The following ARID4B variants were observed in gnomAD, a reference collection of about 807,000 sequenced individuals.
ARID4B encodes AT-rich interactive domain-containing protein 4B.
In ARID4B, 26 loss-of-function variants were observed where a neutral mutation model predicts 147.5. The observed-to-expected ratio is 0.18, with a 90% confidence interval of 0.13 to 0.24. The LOEUF (loss-of-function observed/expected upper bound fraction) is 0.24. ARID4B is among the 10% of genes least tolerant of loss of function. ARID4B has a pLI of 1.00. For missense variants in ARID4B, 1,179 were observed against 1,511.5 expected (o/e 0.78, Z 3.65); for synonymous variants, 512 against 507.9 (o/e 1.01, Z -0.11).
In ARID4B at chr1:235,257,177, T is replaced by C; in HGVS notation, c.166A>G (p.Ile56Val). The change falls in exon 4 of 24, where the codon ATA becomes GTA. Residue 56 changes from isoleucine to valine, a missense_variant. Ile to Val is a conservative substitution (Grantham distance 29). Around this residue, in one of 10 missense-constraint regions of ARID4B, gnomAD observed 56 missense variants for 99.2 expected, o/e 0.56. Coordinates refer to ENST00000264183, the MANE Select transcript of ARID4B (RefSeq NM_016374.6). ...TGAATTACCTTTAGTGGGCCCTTTA[T>C]GTGGTCATCCTGAACTTCCACTGTT... The part of the protein sequence containing the change: ...SSTVEVQDDH[I>V]KGPLKVGAIV... The C allele has an allele frequency of 1.2e-6, 2 of 1,612,220 alleles. No individual in the cohort carries two copies. Among genetic ancestry groups the C allele is most frequent in the Non-Finnish European group, 1.7e-6 (2 of 1,178,374 alleles).
At position 235,194,147 on chromosome 1, in the gene ARID4B, C is replaced by T. The variant is rs372534777; in HGVS notation, c.1991G>A (p.Arg664His). 37 of 1,613,286 alleles carry T rather than the reference C, an allele frequency of 2.3e-5. No homozygotes were observed. The highest frequency in any genetic ancestry group is 1.3e-4 in the South Asian group (12 of 91,074). The change falls in exon 19 of 24, where the codon CGC (arginine) becomes CAC (histidine). Residue 664 changes from arginine (R) to histidine (H), a missense_variant. This residue lies in a region of ARID4B where 321 missense variants were observed against 342.4 expected (regional missense o/e 0.94). Transcript: ENST00000264183. ...TGTCTGAAATGGTGGTTTGGACAAG[C>T]GCCGAAGTTTACAGTTTTTTGGAGA... Reference protein sequence around the residue: ...KYSPKNCKLRRLSKPPFQTNP... With the variant: ...KYSPKNCKLRHLSKPPFQTNP...
intron 2 of ARID4B, among the ~76,000 whole-genome samples, chr1:235,298,005 T>C (rs1301460012): frequency 6.6e-6 from 1 of 152,172 alleles, no homozygotes; most frequent in African/African-American, 2.4e-5. Flanking sequence ...CCAGATGCCA[T>C]TAAGGAATTA....
rs145895993 is a variant in ARID4B at position 235,241,833 on chromosome 1, T to A, written c.447-1382A>T. ...ACCTGGCCAAAAAAGTAAAAACTATTATAATAATATTAAGCTTTTTAAAGT... is the reference window on the plus strand; with the variant it reads ...ACCTGGCCAAAAAAGTAAAAACTATAATAATAATATTAAGCTTTTTAAAGT... On this transcript the variant is annotated intron_variant, in intron 7 of 23. Coordinates refer to ENST00000264183, the MANE Select transcript of ARID4B (RefSeq NM_016374.6). Among the ~76,000 whole-genome samples, 416 of 152,228 alleles carry A rather than the reference T, an allele frequency of 2.7e-3. 1 individual carries two copies. Among genetic ancestry groups the A allele is most frequent in the African/African-American group, 9.7e-3 (401 of 41,522 alleles).
intron 2 of ARID4B, among the ~76,000 whole-genome samples, chr1:235,294,758 C>A (rs1672576350): frequency 6.6e-6 from 1 of 151,614 alleles, no homozygotes; most frequent in Non-Finnish European, 1.5e-5. Flanking sequence ...AAGTTATCCG[C>A]CCGCCTCAGC....
intron 2 of ARID4B, among the ~76,000 whole-genome samples, chr1:235,266,598 A>C (rs537505519): frequency 1.3e-5 from 2 of 152,228 alleles, no homozygotes; most frequent in Non-Finnish European, 2.9e-5. Context: ...AAAAACACTG[A>C]ATTCCATGGG....
At chr1:235,257,080 AAAGAGCCAATG>A (rs1342173584) in intron 4 of ARID4B, 69 bp downstream of exon 4, 1 of 968,918 alleles carries the variant, frequency 1.0e-6, no homozygotes, top group African/African-American at 1.6e-5. Flanking sequence ...CTCAATAACA[AAAGAGCCAATG>A]AATTAATACC....
rs1290002417 is a variant in ARID4B at position 235,181,608 on chromosome 1, G to T, written c.3311C>A (p.Pro1104Gln). The T allele has an allele frequency of 4.3e-6, 7 of 1,613,180 alleles. No homozygotes were observed. In the South Asian group the frequency reaches 7.7e-5, roughly 18 times the overall value. ...ACCTTTTTCAGGATGTTCTGGTTCTGGCTGATTACTACTGCTTGAGCTCAC... is the reference window on the plus strand; with the variant it reads ...ACCTTTTTCAGGATGTTCTGGTTCTTGCTGATTACTACTGCTTGAGCTCAC... ...ASVSSSSSNQ[P>Q]EPEHPEKACT... Residue 1104 changes from proline to glutamine, a missense_variant, in exon 20 of 24, where the codon CCA (proline) becomes CAA (glutamine). Pro to Gln is a moderately conservative substitution (Grantham distance 76). Around this residue, in one of 10 missense-constraint regions of ARID4B, gnomAD observed 357 missense variants for 427.3 expected, o/e 0.84. Transcript: ENST00000264183.
At chr1:235,187,874 G>A (rs1354719421) in intron 19 of ARID4B, among the ~76,000 whole-genome samples, 1 of 152,106 alleles carries the variant, frequency 6.6e-6, no homozygotes, top group Non-Finnish European at 1.5e-5. Context: ...GATACTCATT[G>A]TTGAACTAAC....
Position 235,194,020 on chromosome 1 carries a change from TC to T in ARID4B, c.2117del (p.Gly706AspfsTer36). The T allele has an allele frequency of 6.3e-7, 1 of 1,595,246 alleles. No homozygotes were observed. Among genetic ancestry groups the T allele is most frequent in the Non-Finnish European group, 8.6e-7 (1 of 1,164,038 alleles). On this transcript the variant is annotated frameshift_variant, in exon 19 of 24. Transcript: ENST00000264183. LOFTEE classifies it high-confidence loss of function. ...KSIEITSILN[G>X]LQASESSAED... is the part of the protein sequence containing the mutation. ...AACGATTGTTATGTTTACCTTGAAG[TC>T]CATTAAGGATCGAAGTAATTTCTAT...
chr1:235,241,190 T>C (rs866993065), intron 7 of ARID4B, among the ~76,000 whole-genome samples: 2 of 152,164 alleles, frequency 1.3e-5, no homozygotes, highest in Admixed American at 1.3e-4. Context: ...CTGATTCTAA[T>C]AAAGAATCAG....
chr1:235,176,746 A>C (rs1217467256), intron 21 of ARID4B: 1 of 424,374 alleles, frequency 2.4e-6, no homozygotes, highest in Non-Finnish European at 4.8e-6. Flanking sequence ...CGCCATATTC[A>C]CCGCCTGGAA....
chr1:235,210,651 G>A lies in ARID4B; in HGVS notation c.1841+3118C>T, dbSNP rs535160987. Among the ~76,000 whole-genome samples, 236 of 152,264 alleles carry A rather than the reference G, an allele frequency of 1.5e-3. 1 individual carries two copies. The highest frequency in any genetic ancestry group is 3.0e-3 in the Non-Finnish European group (201 of 68,024). On this transcript the variant is annotated intron_variant, in intron 17 of 23. Coordinates refer to ENST00000264183, the MANE Select transcript of ARID4B (RefSeq NM_016374.6). ...TTTCTCCATGATGTTGGAGTGTATA[G>A]AGATCCATCCTACAGGTCTTCATCA...
chr1:235,194,880 T>C (rs1665389427), intron 18 of ARID4B, among the ~76,000 whole-genome samples: 1 of 152,054 alleles, frequency 6.6e-6, no homozygotes, highest in African/African-American at 2.4e-5. Context: ...TCACTATATG[T>C]GGGTTGGGAA....
intron 17 of ARID4B, among the ~76,000 whole-genome samples, chr1:235,207,156 TTCTA>T (rs1666360009): frequency 2.0e-5 from 3 of 152,304 alleles, no homozygotes; most frequent in South Asian, 4.1e-4. Flanking sequence ...TTTTTCTTGT[TTCTA>T]TCTCTCAGTA....
At position 235,246,516 on chromosome 1, in the gene ARID4B, G is replaced by C; in HGVS notation, c.355-5C>G. On this transcript the variant is annotated splice_polypyrimidine_tract_variant and splice_region_variant and intron_variant, in intron 6 of 23. Transcript: ENST00000264183. ...GAGTGGGAGCTGGTCTAATGTCTGT[G>C]GGTAAGAACATAAACCCATCAAAAA... 6.2e-7 allele frequency: 1 copy of C among 1,608,608 alleles called. No homozygotes were observed. The highest frequency in any genetic ancestry group is 8.5e-7 in the Non-Finnish European group (1 of 1,175,236).
intron 2 of ARID4B, among the ~76,000 whole-genome samples, chr1:235,278,093 T>C: frequency 6.6e-6 from 1 of 152,188 alleles, no homozygotes; most frequent in East Asian, 1.9e-4. Context: ...TACAGGGGTA[T>C]GTAACAGGCC....
chr1:235,326,154 A>C (rs1675230833), intron 2 of ARID4B, among the ~76,000 whole-genome samples: 1 of 152,188 alleles, frequency 6.6e-6, no homozygotes, highest in South Asian at 2.1e-4. Flanking sequence ...TGTGTTTAAA[A>C]AAAAAAAAGA....
At chr1:235,308,083 A>ATTTTTT (rs368457519) in intron 2 of ARID4B, among the ~76,000 whole-genome samples, 1 of 102,774 alleles carries the variant, frequency 9.7e-6, no homozygotes, top group Non-Finnish European at 1.9e-5. Flanking sequence ...ATTTCTTCTA[A>ATTTTTT]TTTTTTTTTT....
rs746707767 is a variant in ARID4B, at chr1:235,326,968, C to G, written c.-49G>C. 13 of 1,607,104 alleles carry G rather than the reference C, an allele frequency of 8.1e-6. No individual in the cohort carries two copies. In the African/African-American group the frequency reaches 1.7e-4, roughly 22 times the overall value. On this transcript the variant is annotated splice_region_variant and 5_prime_UTR_variant, in exon 2 of 24. Coordinates refer to ENST00000264183, the MANE Select transcript of ARID4B (RefSeq NM_016374.6). ...CTCTAAAACACCAGGTTCAGCTGCA[C>G]CTGGAGGGGAAACAAAAGACACCCA...
Sources: gnomAD v4.1 joint callset for allele counts (sites outside exome capture counted in the v4.1 genomes callset) on GRCh38, gnomAD v4.1.1 for gene constraint, gnomAD v4.1.1 regional missense constraint, MANE v1.5 for transcripts, NCBI Gene and HGNC (gene_info 2026-07-23, HGNC 2026-07-21) for gene names.